CADM2: variants seen among roughly 807,000 people sequenced by gnomAD.
CADM2 encodes the protein cell adhesion molecule 2.
In CADM2, 12 loss-of-function variants were observed where a neutral mutation model predicts 49.8. The ratio of observed to expected loss-of-function variants is 0.24; its 90% confidence interval spans 0.15 to 0.39. The LOEUF (loss-of-function observed/expected upper bound fraction) is 0.39, where lower values mean the gene tolerates loss of function less well. CADM2 is among the 10% of genes least tolerant of loss of function. CADM2 has a pLI of 1.00. For missense variants in CADM2, 378 were observed against 492.3 expected (o/e 0.77, Z 2.20); for synonymous variants, 214 against 175.4 (o/e 1.22, Z -1.74).
intron 7 of CADM2, among the ~76,000 whole-genome samples, chr3:85,952,015 G>A (rs1482701829): frequency 1.3e-5 from 2 of 150,932 alleles, no homozygotes; most frequent in African/African-American, 4.8e-5. Flanking sequence ...GTTAAGACTG[G>A]AGGTTTTGAT....
intron 1 of CADM2, among the ~76,000 whole-genome samples, chr3:85,443,955 C>A (rs1039449381): frequency 2.6e-5 from 4 of 152,126 alleles, no homozygotes; most frequent in Non-Finnish European, 5.9e-5. Context: ...CAAATTGCAT[C>A]TGTTTTCCAT....
At chr3:85,763,646 T>C (rs2069507036) in intron 2 of CADM2, among the ~76,000 whole-genome samples, 1 of 152,188 alleles carries the variant, frequency 6.6e-6, no homozygotes, top group Admixed American at 6.5e-5. Context: ...TCCTTGGTCT[T>C]CCTGCTAAAC....
intron 1 of CADM2, among the ~76,000 whole-genome samples, chr3:85,394,133 G>A (rs2107408766): frequency 6.6e-6 from 1 of 152,076 alleles, no homozygotes; most frequent in South Asian, 2.1e-4. Context: ...CGAAAACTGT[G>A]TTTTTAAAAA....
intron 2 of CADM2, among the ~76,000 whole-genome samples, chr3:85,797,707 C>A (rs1356865136): frequency 1.3e-5 from 2 of 152,300 alleles, no homozygotes; most frequent in South Asian, 2.1e-4. Context: ...GTGAATACAG[C>A]TGCAATAAAC....
At chr3:85,707,487 T>C (rs1577130716) in intron 1 of CADM2, among the ~76,000 whole-genome samples, 1 of 151,706 alleles carries the variant, frequency 6.6e-6, no homozygotes, top group East Asian at 1.9e-4. Flanking sequence ...TCTCATTATA[T>C]GTCTGTATTT....
intron 1 of CADM2, among the ~76,000 whole-genome samples, chr3:85,314,256 T>A (rs1480247837): frequency 6.6e-6 from 1 of 152,188 alleles, no homozygotes; most frequent in African/African-American, 2.4e-5. Context: ...ACCTGCTCAT[T>A]GCAAGTTATT....
intron 1 of CADM2, among the ~76,000 whole-genome samples, chr3:85,426,958 C>G (rs1224238411): frequency 1.3e-5 from 2 of 151,662 alleles, no homozygotes; most frequent in Non-Finnish European, 2.9e-5. Context: ...TTGGCTCACT[C>G]TAAACTCCAC....
At chr3:85,086,653 G>T (rs1474183301) in intron 1 of CADM2, among the ~76,000 whole-genome samples, 1 of 151,654 alleles carries the variant, frequency 6.6e-6, no homozygotes, top group Non-Finnish European at 1.5e-5. Flanking sequence ...TGGGATTGCA[G>T]GTGTGCACCA....
Position 85,317,492 on chromosome 3 carries a change from A to G in CADM2, c.61+357824A>G, listed in dbSNP as rs1326960588. Among the ~76,000 whole-genome samples the G allele has an allele frequency of 2.0e-5, 3 of 152,110 alleles. No homozygotes were observed. The East Asian group carries it at 5.8e-4, about 29-fold the overall frequency. On this transcript the variant is annotated intron_variant, in intron 1 of 9. Transcript: ENST00000383699. Reference sequence around the variant, plus strand: ...ACCTGACACTGGATAATTTATAAGGAAAAAAAATTATTTTCTCATGGTTAT... The same window carrying G: ...ACCTGACACTGGATAATTTATAAGGGAAAAAAATTATTTTCTCATGGTTAT...
intron 1 of CADM2, among the ~76,000 whole-genome samples, chr3:85,344,258 G>GTA (rs2030300714): frequency 6.6e-6 from 1 of 151,688 alleles, no homozygotes; most frequent in African/African-American, 2.4e-5. Context: ...GCAGGCACCT[G>GTA]TAGTCCCAGC....
At chr3:85,698,295 A>C (rs969306459) in intron 1 of CADM2, among the ~76,000 whole-genome samples, 2 of 152,224 alleles carry the variant, frequency 1.3e-5, no homozygotes, top group African/African-American at 2.4e-5. Context: ...GCGAGATAAC[A>C]TCAAGTAGTC....
At chr3:85,457,396 C>G (rs775419641) in intron 1 of CADM2, among the ~76,000 whole-genome samples, 39 of 150,760 alleles carry the variant, frequency 2.6e-4, no homozygotes, top group Non-Finnish European at 5.0e-4. Context: ...CCGGGTGACA[C>G]AGCAAGACCC....
At chr3:85,747,656 A>G (rs1398569647) in intron 2 of CADM2, among the ~76,000 whole-genome samples, 1 of 152,132 alleles carries the variant, frequency 6.6e-6, no homozygotes, top group Non-Finnish European at 1.5e-5. Flanking sequence ...GTATGACAGC[A>G]GAAATACAGT....
At chr3:85,819,272 C>T (rs1212656992) in intron 3 of CADM2, among the ~76,000 whole-genome samples, 1 of 152,096 alleles carries the variant, frequency 6.6e-6, no homozygotes, top group Non-Finnish European at 1.5e-5. Context: ...TGGTGCCCAC[C>T]CACATTGAGA....
intron 1 of CADM2, among the ~76,000 whole-genome samples, chr3:85,430,727 A>G (rs1185447877): frequency 6.6e-6 from 1 of 152,010 alleles, no homozygotes; most frequent in African/African-American, 2.4e-5. Flanking sequence ...AGTAACTAGA[A>G]GAAGACAGAT....
In CADM2 at chr3:85,452,747, C is replaced by T. The variant is rs190131450; in HGVS notation, c.62-273775C>T. Among the ~76,000 whole-genome samples the T allele has an allele frequency of 1.2e-4, 18 of 152,214 alleles. No homozygotes were observed. In the East Asian group the frequency reaches 3.5e-3, roughly 29 times the overall value. ...AGTTCCGATTTTGGAAGTTGTCTTG[C>T]GGTAGCAGATGTGATTCGCTACACA... On this transcript the variant is annotated intron_variant, in intron 1 of 9. Transcript: ENST00000383699.
chr3:85,156,834 G>T (rs1156707796), intron 1 of CADM2, among the ~76,000 whole-genome samples: 1 of 152,150 alleles, frequency 6.6e-6, no homozygotes, highest in African/African-American at 2.4e-5. Context: ...GGAAGTTCTG[G>T]CCAGGGCAAT....
In CADM2 at chr3:85,542,299, C is replaced by G. The variant is rs555200386; in HGVS notation, c.62-184223C>G. Reference sequence around the variant, plus strand: ...CTAATTCCTGCCCTGAGAAATTGTTCTTATTCCCCCAAAAGGAGTTTACCT... The same window carrying G: ...CTAATTCCTGCCCTGAGAAATTGTTGTTATTCCCCCAAAAGGAGTTTACCT... On this transcript the variant is annotated intron_variant, in intron 1 of 9. Transcript: ENST00000383699. Among the ~76,000 whole-genome samples the G allele has an allele frequency of 2.0e-4, 31 of 152,138 alleles. 1 individual carries two copies. Among genetic ancestry groups the G allele is most frequent in the African/African-American group, 6.0e-4 (25 of 41,512 alleles).
chr3:85,417,391 C>T (rs970983186), intron 1 of CADM2, among the ~76,000 whole-genome samples: 3 of 152,148 alleles, frequency 2.0e-5, no homozygotes, highest in Admixed American at 1.3e-4. Flanking sequence ...TATTCAAACA[C>T]GAATCGAGGC....
Sources: gnomAD v4.1 joint callset for allele counts (sites outside exome capture counted in the v4.1 genomes callset) on GRCh38, gnomAD v4.1.1 for gene constraint, MANE v1.5 for transcripts, NCBI Gene and HGNC (gene_info 2026-07-23, HGNC 2026-07-21) for gene names.